LCOR: variants seen among roughly 807,000 people sequenced by gnomAD.
The protein encoded by LCOR is ligand dependent nuclear receptor corepressor.
Under a neutral mutation model 64.4 loss-of-function variants are expected in LCOR, and 14 were observed. That is an observed-to-expected ratio of 0.22 (90% CI 0.14 to 0.34). The LOEUF (loss-of-function observed/expected upper bound fraction) is 0.34, where lower values mean the gene tolerates loss of function less well. Among genes scored for constraint, LCOR ranks in the 10% least tolerant of loss-of-function variants. The probability of loss-of-function intolerance (pLI) is 1.00; values close to 1 mark genes in which losing one functional copy is unlikely to be tolerated. For synonymous variants in LCOR, 643 were observed against 642.5 expected (o/e 1.00, Z -0.01); for missense variants, 1,686 against 1,765.3 (o/e 0.96, Z 0.80).
chr10:96,840,900 G>A (rs1845528693), intron 2 of LCOR, among the ~76,000 whole-genome samples: 2 of 152,252 alleles, frequency 1.3e-5, no homozygotes, highest in Non-Finnish European at 2.9e-5. Context: ...CACACTGGAA[G>A]GCTGAGGCAG....
intron 2 of LCOR, among the ~76,000 whole-genome samples, chr10:96,897,866 CTTTTTTTT>C (rs59098946): frequency 0.017 from 1,954 of 116,286 alleles, 24 homozygotes; most frequent in Middle Eastern, 0.04. Flanking sequence ...AGAAAGCCAT[CTTTTTTTT>C]TTTTTTTTTT....
rs143644988 is a variant in LCOR at position 96,911,908 on chromosome 10, G to T, written c.-184+4161G>T. ...ATTTATACACAATTCTCTGTGTACT[G>T]CTTATTCATGAGGCTTTTCTTTTCT... On this transcript the variant is annotated intron_variant, in intron 4 of 7. Transcript: ENST00000421806. 6.5e-3 allele frequency among the ~76,000 whole-genome samples: 991 copies of T among 152,190 alleles called. 10 individuals are homozygous for T. The highest frequency in any genetic ancestry group is 0.01 in the Non-Finnish European group (712 of 67,998).
chr10:96,917,235 A>C (rs1312411408), intron 4 of LCOR, among the ~76,000 whole-genome samples: 1 of 152,204 alleles, frequency 6.6e-6, no homozygotes, highest in Non-Finnish European at 1.5e-5. Flanking sequence ...TGAATAGACT[A>C]ATCATTTGGC....
intron 4 of LCOR, among the ~76,000 whole-genome samples, chr10:96,916,145 C>G (rs2134464780): frequency 6.6e-6 from 1 of 152,260 alleles, no homozygotes; most frequent in African/African-American, 2.4e-5. Context: ...AATTCTCCTG[C>G]CTCAGCCTCC....
intron 2 of LCOR, among the ~76,000 whole-genome samples, chr10:96,881,853 G>A (rs191219779): frequency 1.4e-3 from 208 of 152,324 alleles, no homozygotes; most frequent in Non-Finnish European, 2.2e-3. Flanking sequence ...TAAAAGCCAT[G>A]TGATCTGTCT....
chr10:96,941,281 G>A (rs1378386887), intron 4 of LCOR, among the ~76,000 whole-genome samples: 9 of 135,840 alleles, frequency 6.6e-5, no homozygotes, highest in Admixed American at 5.8e-4. Flanking sequence ...CTGGCCAGGC[G>A]GGGGGCTGAT....
intron 2 of LCOR, among the ~76,000 whole-genome samples, chr10:96,864,521 C>A (rs186789198): frequency 2.6e-4 from 40 of 152,198 alleles, no homozygotes; most frequent in Middle Eastern, 3.4e-3. Flanking sequence ...TGTTCCTGCT[C>A]GCATGGCACT....
At chr10:96,901,474 A>T (rs906244268) in intron 2 of LCOR, among the ~76,000 whole-genome samples, 2 of 152,196 alleles carry the variant, frequency 1.3e-5, no homozygotes, top group Non-Finnish European at 2.9e-5. Context: ...TTTTACCAGG[A>T]GAGTCTACAT....
chr10:96,976,876 A>G (rs1564644514), intron 7 of LCOR, among the ~76,000 whole-genome samples: 1 of 152,180 alleles, frequency 6.6e-6, no homozygotes, highest in East Asian at 1.9e-4. Context: ...GTACCTAGAA[A>G]ATTTTTGCGA....
At position 96,982,531 on chromosome 10, in the gene LCOR, T is replaced by C. The variant is rs1241744115; in HGVS notation, c.2071T>C (p.Ser691Pro). The C allele has an allele frequency of 8.1e-6, 13 of 1,614,118 alleles. No homozygotes were observed. The highest frequency in any genetic ancestry group is 1.1e-5 in the Non-Finnish European group (13 of 1,180,026). The change falls in exon 8 of 8, where the codon TCT (serine) becomes CCT (proline). Residue 691 changes from serine to proline, a missense_variant. Physicochemically the swap from Ser to Pro is moderately conservative, Grantham distance 74. Around this residue, in one of 3 missense-constraint regions of LCOR, gnomAD observed 1,293 missense variants for 1,410.4 expected, o/e 0.92. Transcript: ENST00000421806. ...TGAAGATGTCATTTCTAGGCCTCAT[T>C]CTCCTCCTGAAATAGTCAGTAGAGA... The part of the protein sequence containing the change: ...VSEDVISRPH[S>P]PPEIVSREES...
intron 7 of LCOR, among the ~76,000 whole-genome samples, chr10:96,966,855 C>T (rs567923712): frequency 4.7e-4 from 71 of 152,328 alleles, no homozygotes; most frequent in African/African-American, 9.4e-4. Flanking sequence ...CCCACCTCAG[C>T]CTCCTGAGTA....
rs1264754358 is a variant in LCOR at position 96,920,410 on chromosome 10, A to ATTCATATATATG, written c.-184+12664_-184+12665insTCATATATATGT. On this transcript the variant is annotated intron_variant, in intron 4 of 7. Transcript: ENST00000421806. ...TATATATGTGTATATATGTGTATAT[A>ATTCATATATATG]TGTATATATATTCATATATATGTGT... Among the ~76,000 whole-genome samples, 713 of 141,384 alleles carry ATTCATATATATG rather than the reference A, an allele frequency of 5.0e-3. 5 individuals are homozygous for ATTCATATATATG. The highest frequency in any genetic ancestry group is 6.4e-3 in the Non-Finnish European group (426 of 66,758). 92.8% of individuals were successfully genotyped at this position (141,384 alleles called of 152,430 possible). A position where few individuals can be genotyped will look rare whatever the true frequency, so the allele number is the denominator to read the frequency against.
intron 2 of LCOR, among the ~76,000 whole-genome samples, chr10:96,866,868 GC>G (rs1845983269): frequency 1.3e-5 from 2 of 152,220 alleles, no homozygotes; most frequent in South Asian, 4.1e-4. Context: ...CAGCCACCGT[GC>G]CCAGCCCCAA....
At chr10:96,915,699 G>A (rs1274016659) in intron 4 of LCOR, 6 of 730,906 alleles carry the variant, frequency 8.2e-6, no homozygotes, top group African/African-American at 6.9e-5. Context: ...TTTTCTACAG[G>A]GTTATTCACC....
At position 96,989,695 on chromosome 10, in the gene LCOR, A is replaced by ATATATATATATATATATATTTTTTT. The variant is rs1371771053; in HGVS notation, c.*4562_*4563insATATATATATATATATATTTTTTTT. 1.2e-5 allele frequency: 1 copy of ATATATATATATATATATATTTTTTT among 86,190 alleles called. No individual in the cohort carries two copies. Among genetic ancestry groups the ATATATATATATATATATATTTTTTT allele is most frequent in the African/African-American group, 6.2e-5 (1 of 16,156 alleles). The allele number at this position is 86,190 out of a possible 1,614,324, so 5.3% of individuals were successfully genotyped here. ...TAAGGATATATATATATATATATAT[A>ATATATATATATATATATATTTTTTT]TTTTTTTTTTTTTTTTTTTTTTTTA... On this transcript the variant is annotated 3_prime_UTR_variant, in exon 8 of 8. Transcript: ENST00000421806.
chr10:96,868,656 A>G (rs1419066447), intron 2 of LCOR, among the ~76,000 whole-genome samples: 1 of 152,148 alleles, frequency 6.6e-6, no homozygotes, highest in African/African-American at 2.4e-5. Context: ...CTGTCAGAAA[A>G]ACCTAGTCTA....
At chr10:96,848,911 T>C (rs1189333430) in intron 2 of LCOR, among the ~76,000 whole-genome samples, 2 of 152,040 alleles carry the variant, frequency 1.3e-5, no homozygotes, top group African/African-American at 2.4e-5. Context: ...CTTTATACTT[T>C]TTCCTTGTTT....
chr10:96,861,725 TAGTACAG>T (rs1313793278), intron 2 of LCOR, among the ~76,000 whole-genome samples: 2 of 152,210 alleles, frequency 1.3e-5, no homozygotes, highest in African/African-American at 4.8e-5. Flanking sequence ...TTTGTATTTT[TAGTACAG>T]ATGGGGTTTC....
chr10:96,980,431 C>T (rs115030491), intron 7 of LCOR, among the ~76,000 whole-genome samples: 8,307 of 152,140 alleles, frequency 0.055, 758 homozygotes, highest in African/African-American at 0.19. Flanking sequence ...TGAAGAATAT[C>T]GTCACTAAAA....
Sources: gnomAD v4.1 joint callset for allele counts (sites outside exome capture counted in the v4.1 genomes callset) on GRCh38, gnomAD v4.1.1 for gene constraint, gnomAD v4.1.1 regional missense constraint, MANE v1.5 for transcripts, NCBI Gene and HGNC (gene_info 2026-07-23, HGNC 2026-07-21) for gene names.